PRSS23: variants seen among roughly 807,000 people sequenced by gnomAD.
The protein encoded by PRSS23 is serine protease 23, also known as protease, serine 23.
Under a neutral mutation model 34.7 loss-of-function variants are expected in PRSS23, and 25 were observed. That is an observed-to-expected ratio of 0.72 (90% confidence interval 0.53 to 1.01). The LOEUF is 1.01. PRSS23 is among the 50% of genes least tolerant of loss of function. The pLI is 0.00. For synonymous variants in PRSS23, 176 were observed against 186.6 expected (o/e 0.94, Z 0.46); for missense variants, 445 against 475.6 (o/e 0.94, Z 0.60).
intron 2 of PRSS23, among the ~76,000 whole-genome samples, chr11:86,850,716 G>C (rs904745304): frequency 6.6e-6 from 1 of 152,056 alleles, no homozygotes; most frequent in Non-Finnish European, 1.5e-5. Flanking sequence ...TCTTATCTAT[G>C]CTCCCAATTC....
chr11:86,868,908 C>G (rs907325256), intron 2 of PRSS23, among the ~76,000 whole-genome samples: 19 of 152,158 alleles, frequency 1.2e-4, no homozygotes, highest in Admixed American at 1.2e-3. Flanking sequence ...ACCTCCCAGG[C>G]TCAGGTGATC....
chr11:86,822,108 A>C (rs868381483), intron 1 of PRSS23, among the ~76,000 whole-genome samples: 1 of 152,180 alleles, frequency 6.6e-6, no homozygotes, highest in Non-Finnish European at 1.5e-5. Context: ...AGCACATAAT[A>C]GGGGTTCATT....
At chr11:86,888,170 T>C (rs1004291792) in intron 2 of PRSS23, among the ~76,000 whole-genome samples, 1 of 150,844 alleles carries the variant, frequency 6.6e-6, no homozygotes, top group Non-Finnish European at 1.5e-5. Flanking sequence ...GCATGGTTAA[T>C]TCTGCTCAGG....
chr11:86,866,069 A>C (rs1478918432), intron 2 of PRSS23, among the ~76,000 whole-genome samples: 1 of 152,090 alleles, frequency 6.6e-6, no homozygotes, highest in Non-Finnish European at 1.5e-5. Flanking sequence ...CCTAAATCTA[A>C]ATTGGGCTGG....
At chr11:86,920,837 C>T (rs1014134953) in intron 2 of PRSS23, among the ~76,000 whole-genome samples, 1 of 152,188 alleles carries the variant, frequency 6.6e-6, no homozygotes, top group Non-Finnish European at 1.5e-5. Context: ...CAGTAACGAC[C>T]TAGCCTGGGT....
intron 2 of PRSS23, chr11:86,909,394 C>T (rs529244992): frequency 4.6e-5 from 7 of 152,246 alleles, no homozygotes; most frequent in African/African-American, 1.7e-4. Flanking sequence ...GTTTGTGAGC[C>T]ACCTTGGAGT....
rs559891628 is a variant in PRSS23, at chr11:86,928,606, C to T, written c.207-22610C>T. Among the ~76,000 whole-genome samples the T allele has an allele frequency of 7.6e-3, 1,024 of 134,404 alleles. 11 individuals carry two copies. Among genetic ancestry groups the T allele is most frequent in the African/African-American group, 0.028 (968 of 35,198 alleles). The allele number at this position is 134,404 out of a possible 152,430, so 88.2% of individuals were successfully genotyped here. ...AGGAGAATGGCTTGAACCCAGAAGA[C>T]GGAGCTTGCAGTGAGCCGAGATCGC... On this transcript the variant is annotated intron_variant, in intron 2 of 2. Transcript: ENST00000533902.
At position 86,831,309 on chromosome 11, in the gene PRSS23, G is replaced by A. The variant is rs559285127; in HGVS notation, c.206+7716G>A. ...GGAATATTACTCCTAATGTCATAGC[G>A]GGTTTACACCTTTTTGTATTATTCG... is the stretch of plus-strand genomic sequence containing the variant. On this transcript the variant is annotated intron_variant, in intron 2 of 2. Coordinates refer to the PRSS23 transcript ENST00000533902. 5.3e-5 allele frequency among the ~76,000 whole-genome samples: 8 copies of A among 151,716 alleles called. 1 individual carries two copies. The highest frequency in any genetic ancestry group is 1.9e-4 in the East Asian group (1 of 5,144).
In PRSS23 at chr11:86,808,883, CGTGTGTGTGTGTGTGT is replaced by C. The variant is rs35433370; in HGVS notation, c.*99_*114del. On this transcript the variant is annotated 3_prime_UTR_variant, in exon 2 of 2. Transcript: ENST00000280258. ...TTGTTTTTTGTCATTGGCGTGCACACGTGTGTGTGTGTGTGTGTGTGTGTGTAAGGTGTCTTATAAT... is the reference window on the plus strand; with the variant it reads ...TTGTTTTTTGTCATTGGCGTGCACACGTGTGTGTGTAAGGTGTCTTATAAT... 3.0e-5 allele frequency: 27 copies of C among 888,102 alleles called. No homozygotes were observed. The highest frequency in any genetic ancestry group is 4.4e-5 in the Non-Finnish European group (25 of 569,824). 55.0% of individuals were successfully genotyped at this position (888,102 alleles called of 1,614,324 possible). A position where few individuals can be genotyped will look rare whatever the true frequency, so the allele number is the denominator to read the frequency against.
chr11:86,818,562 A>G (rs1948230673), intron 1 of PRSS23, among the ~76,000 whole-genome samples: 1 of 152,174 alleles, frequency 6.6e-6, no homozygotes, highest in African/African-American at 2.4e-5. Flanking sequence ...AGACTAAACG[A>G]TCTCAGATTT....
rs1948144764 is a variant in PRSS23 at position 86,808,940 on chromosome 11, T to C, written c.*145T>C. 1.5e-6 allele frequency: 1 copy of C among 682,566 alleles called. No homozygotes were observed. The highest frequency in any genetic ancestry group is 2.4e-6 in the Non-Finnish European group (1 of 412,446). The allele number at this position is 682,566 out of a possible 1,614,324, so 42.3% of individuals were successfully genotyped here. ...GTCTTATAATCTTTTACCTATTTCTTACAATTGCAAGATGACTGGCTTTAC... is the reference window on the plus strand; with the variant it reads ...GTCTTATAATCTTTTACCTATTTCTCACAATTGCAAGATGACTGGCTTTAC... On this transcript the variant is annotated 3_prime_UTR_variant, in exon 2 of 2. Coordinates refer to ENST00000280258, the MANE Select transcript of PRSS23 (RefSeq NM_007173.6).
intron 1 of PRSS23, among the ~76,000 whole-genome samples, chr11:86,822,652 G>T (rs1590878672): frequency 6.6e-6 from 1 of 151,118 alleles, no homozygotes; most frequent in African/African-American, 2.4e-5. Flanking sequence ...GCAGAACTAG[G>T]ACCAGTGGAT....
chr11:86,884,380 A>T (rs551818781), intron 2 of PRSS23, among the ~76,000 whole-genome samples: 19 of 152,102 alleles, frequency 1.2e-4, no homozygotes, highest in African/African-American at 4.3e-4. Flanking sequence ...GCTCACTGCC[A>T]CCTCCACCTC....
upstream of PRSS23, among the ~76,000 whole-genome samples, chr11:86,796,549 G>A (rs1431743032): frequency 6.8e-6 from 1 of 147,990 alleles, no homozygotes; most frequent in Non-Finnish European, 1.5e-5. Context: ...GCTGAGGCAG[G>A]AGAATGGCGT....
chr11:86,832,582 T>C, intron 2 of PRSS23: 2 of 483,382 alleles, frequency 4.1e-6, no homozygotes, highest in Middle Eastern at 3.8e-4. Context: ...TGTTTCTCAG[T>C]CTGTAGATGA....
chr11:86,800,441 G>T (rs1481853690), upstream of PRSS23: 2 of 983,406 alleles, frequency 2.0e-6, no homozygotes, highest in Non-Finnish European at 1.2e-6. Context: ...GGGGCGGGCG[G>T]CGTCCGCGCG....
At chr11:86,873,762 T>G (rs1468546269) in intron 2 of PRSS23, among the ~76,000 whole-genome samples, 1 of 152,140 alleles carries the variant, frequency 6.6e-6, no homozygotes, top group African/African-American at 2.4e-5. Flanking sequence ...CATGTTCCAC[T>G]ATCAGATGGA....
intron 2 of PRSS23, among the ~76,000 whole-genome samples, chr11:86,844,000 A>C (rs1316259066): frequency 6.6e-6 from 1 of 152,224 alleles, no homozygotes; most frequent in Non-Finnish European, 1.5e-5. Flanking sequence ...AATACCAAAG[A>C]CTTGGAACCA....
upstream of PRSS23, chr11:86,800,505 G>T (rs912085254): frequency 6.6e-5 from 65 of 984,278 alleles, no homozygotes; most frequent in Non-Finnish European, 7.4e-5. Context: ...GCGGGGGGCG[G>T]ACCCGCCAGC....
Sources: allele counts gnomAD v4.1 joint callset (sites outside exome capture counted in the v4.1 genomes callset), GRCh38; gene constraint gnomAD v4.1.1; transcripts MANE v1.5; gene names NCBI Gene and HGNC (gene_info 2026-07-23, HGNC 2026-07-21).